The following NACA variants were observed in gnomAD, a reference collection of about 807,000 sequenced individuals.
The protein encoded by NACA is nascent polypeptide-associated complex subunit alpha.
In NACA, 42 loss-of-function variants were observed where a neutral mutation model predicts 86.4. The observed-to-expected ratio is 0.49, with a 90% CI of 0.38 to 0.63. NACA has a LOEUF of 0.63. NACA is among the 20% of genes least tolerant of loss of function. The probability of loss-of-function intolerance (pLI) is 0.00; values close to 1 mark genes in which losing one functional copy is unlikely to be tolerated. For synonymous variants in NACA, 898 were observed against 973.7 expected (o/e 0.92, Z 1.45); for missense variants, 2,157 against 2,483.6 (o/e 0.87, Z 2.80).
intron 1 of NACA, 140 bp from the exon 2 acceptor site, chr12:56,724,663 A>G (rs1427081012): frequency 1.2e-6 from 1 of 812,024 alleles, no homozygotes; most frequent in African/African-American, 1.7e-5. Flanking sequence ...ACCTTCCCCA[A>G]AGCACCTGGG....
At position 56,717,240 on chromosome 12, in the gene NACA, T is replaced by C. The variant is rs1953398795; in HGVS notation, c.4290A>G (p.Lys1430=). The part of the protein sequence containing the change: ...VTREGAATPS[K]GDLTPPAVTP... ...TCACTGCTGGGGGAGTGAGATCTCCTTTGGATGGGGTGGCTGCGCCTTCTC... is the reference window on the plus strand; with the variant it reads ...TCACTGCTGGGGGAGTGAGATCTCCCTTGGATGGGGTGGCTGCGCCTTCTC... Residue 1430 remains lysine (K), a synonymous_variant, in exon 3 of 9, where the codon AAA becomes AAG. Coordinates refer to ENST00000454682, the MANE Select transcript of NACA (RefSeq NM_001365896.1). 1 of 1,327,360 alleles carries C rather than the reference T, an allele frequency of 7.5e-7. No homozygotes were observed. The highest frequency in any genetic ancestry group is 9.8e-7 in the Non-Finnish European group (1 of 1,016,956). The allele number at this position is 1,327,360 out of a possible 1,614,324, so 82.2% of individuals were successfully genotyped here. A position where few individuals can be genotyped will look rare whatever the true frequency, so the allele number is the denominator to read the frequency against.
Position 56,715,986 on chromosome 12 carries a change from T to A in NACA, c.5544A>T (p.Pro1848=). 6.3e-7 allele frequency: 1 copy of A among 1,579,288 alleles called. No homozygotes were observed. The highest frequency in any genetic ancestry group is 1.3e-5 in the African/African-American group (1 of 74,270). The change falls in exon 3 of 9, where the codon CCA becomes CCT. Residue 1848 remains proline, a synonymous_variant. Transcript: ENST00000454682. ...ACTGGAAAGGCACTCCCCCAGAGAT[T>A]GGTTCCGGGGGAATCAGAGGCAGCA... ...DELLPLIPPE[P]ISGGVPFQSV...
At chr12:56,724,319 T>C in intron 2 of NACA, 133 bp downstream of exon 2, 2 of 789,464 alleles carry the variant, frequency 2.5e-6, no homozygotes. Context: ...AGGATAGTAA[T>C]TTTACGGTCT....
Position 56,717,366 on chromosome 12 carries a change from G to A in NACA, c.4164C>T (p.Ser1388=), listed in dbSNP as rs932738911. ...ATGGGATAGCTGGTCCTCTTTTGGG[G>A]GAGGGAGGAGTCATAGCGGGACCTC... ...HKGGPAMTPP[S]PKRGPAIPSP... Residue 1388 remains serine, a synonymous_variant, in exon 3 of 9, where the codon TCC becomes TCT. Transcript: ENST00000454682. 4.4e-6 allele frequency: 6 copies of A among 1,373,578 alleles called. No homozygotes were observed. The highest frequency in any genetic ancestry group is 2.4e-5 in the Admixed American group (1 of 42,154). 85.1% of individuals were successfully genotyped at this position (1,373,578 alleles called of 1,614,324 possible).
At position 56,716,067 on chromosome 12, in the gene NACA, A is replaced by G; in HGVS notation, c.5463T>C (p.Pro1821=). Residue 1821 remains proline (P), a synonymous_variant, in exon 3 of 9, where the codon CCT becomes CCC. Coordinates refer to ENST00000454682, the MANE Select transcript of NACA (RefSeq NM_001365896.1). ...TAGAGGGTGATTCCAACACCAGCCC[A>G]GGAGAGGACGGCAGAAATTGCTGTT... ...PPKQQFLPSS[P]GLVLESPSKP... is the part of the protein sequence containing the mutation. 1.2e-6 allele frequency: 2 copies of G among 1,612,560 alleles called. No homozygotes were observed. The highest frequency in any genetic ancestry group is 1.7e-6 in the Non-Finnish European group (2 of 1,179,056).
Position 56,712,469 on chromosome 12 carries a change from A to G in NACA, c.*69T>C, listed in dbSNP as rs886953750. ...AAGCCATAACTTTATTTATGATAGA[A>G]ACAGTACAAATTTCAAACCAAGCTG... On this transcript the variant is annotated 3_prime_UTR_variant, in exon 9 of 9. Transcript: ENST00000454682. The G allele has an allele frequency of 1.3e-6, 2 of 1,496,744 alleles. No homozygotes were observed. Among genetic ancestry groups the G allele is most frequent in the Non-Finnish European group, 1.9e-6 (2 of 1,080,910 alleles). 92.7% of individuals were successfully genotyped at this position (1,496,744 alleles called of 1,614,324 possible).
In NACA at chr12:56,714,357, C is replaced by G. The variant is rs1953291806; in HGVS notation, c.5823+5G>C. On this transcript the variant is annotated splice_donor_5th_base_variant and intron_variant, in intron 5 of 8. Transcript: ENST00000454682. ...TAAGATCCTGAAATCCTTTTCAAATCTTACCTTCCGTGCCTTCTTTTCACT... is the reference window on the plus strand; with the variant it reads ...TAAGATCCTGAAATCCTTTTCAAATGTTACCTTCCGTGCCTTCTTTTCACT... 1 of 1,613,882 alleles carries G rather than the reference C, an allele frequency of 6.2e-7. No individual in the cohort carries two copies. Among genetic ancestry groups the G allele is most frequent in the African/African-American group, 1.3e-5 (1 of 74,930 alleles).
At chr12:56,724,793 C>T (rs1367881949) in intron 1 of NACA, 5 of 457,292 alleles carry the variant, frequency 1.1e-5, no homozygotes, top group Non-Finnish European at 7.9e-6. Context: ...ACTTCAGACG[C>T]TACTGTGAAC....
chr12:56,721,875 C>G (rs1953585275), intron 2 of NACA, among the ~76,000 whole-genome samples: 1 of 152,182 alleles, frequency 6.6e-6, no homozygotes, highest in African/African-American at 2.4e-5. Context: ...TCACAGCCAA[C>G]AGAATTCCCA....
intron 3 of NACA, among the ~76,000 whole-genome samples, chr12:56,715,065 C>A (rs999259276): frequency 5.9e-5 from 9 of 152,144 alleles, no homozygotes; most frequent in African/African-American, 2.2e-4. Context: ...TCAGAAGGTG[C>A]CCCCAGATAC....
intron 2 of NACA, among the ~76,000 whole-genome samples, chr12:56,724,133 T>C (rs910373135): frequency 2.6e-5 from 4 of 152,274 alleles, no homozygotes; most frequent in Admixed American, 2.0e-4. Flanking sequence ...CTAGTTCCAA[T>C]AGGTAAGAAT....
chr12:56,716,696 CTT>C lies in NACA; in HGVS notation c.4832_4833del (p.Lys1611ArgfsTer49). The C allele has an allele frequency of 7.1e-7, 1 of 1,408,972 alleles. No homozygotes were observed. The highest frequency in any genetic ancestry group is 9.5e-7 in the Non-Finnish European group (1 of 1,056,410). The allele number at this position is 1,408,972 out of a possible 1,614,324, so 87.3% of individuals were successfully genotyped here. On this transcript the variant is annotated frameshift_variant, in exon 3 of 9. Transcript: ENST00000454682. LOFTEE classifies it high-confidence loss of function. ...IPPAVTSPSP[K>X]EAPTPPAVTP... is the part of the protein sequence containing the mutation. ...GTCACAGCTGGAGGAGTAGGTGCCT[CTT>C]TGGGGGAAGGAGAAGTCACAGCTGG...
chr12:56,722,686 C>T (rs561719305), intron 2 of NACA, among the ~76,000 whole-genome samples: 5 of 69,276 alleles, frequency 7.2e-5, no homozygotes, highest in South Asian at 1.2e-3. Context: ...GGTGAGACTC[C>T]GTCTCAAAAC....
At chr12:56,722,928 C>T (rs1179711437) in intron 2 of NACA, among the ~76,000 whole-genome samples, 1 of 152,186 alleles carries the variant, frequency 6.6e-6, no homozygotes, top group Non-Finnish European at 1.5e-5. Context: ...AATTCAAATT[C>T]AAAATTCACT....
In NACA at chr12:56,721,304, T is replaced by C. The variant is rs1565899061; in HGVS notation, c.226A>G (p.Thr76Ala). 6.2e-7 allele frequency: 1 copy of C among 1,608,734 alleles called. No individual in the cohort carries two copies. ...TGGGGAAAAGGAACTTCTAAAGGGG[T>C]CGAGGCAATAGTAGAGGGGGAAGGG... ...PFPSPSTIAS[T>A]PLEVPFPQSS... Residue 76 changes from threonine to alanine, a missense_variant, in exon 3 of 9, where the codon ACC (threonine) becomes GCC (alanine). Around this residue, in one of 8 missense-constraint regions of NACA, gnomAD observed 947 missense variants for 917.9 expected, o/e 1.03. Transcript: ENST00000454682.
chr12:56,713,586 A>C lies in NACA; in HGVS notation c.5921T>G (p.Val1974Gly), dbSNP rs772715468. 1 of 1,614,036 alleles carries C rather than the reference A, an allele frequency of 6.2e-7. No homozygotes were observed. Among genetic ancestry groups the C allele is most frequent in the Admixed American group, 1.7e-5 (1 of 60,014 alleles). The change falls in exon 6 of 9, where the codon GTC (valine) becomes GGC (glycine). Residue 1974 changes from valine to glycine, a missense_variant. Coordinates refer to ENST00000454682, the MANE Select transcript of NACA (RefSeq NM_001365896.1). ...AGTATCTGAAGCAGGGCTCTTGTAG[A>C]CATCTGGTTTTGTGATGACAAAGAG... is the stretch of plus-strand genomic sequence containing the variant. ...NILFVITKPD[V>G]YKSPASDTYI...
At position 56,715,885 on chromosome 12, in the gene NACA, G is replaced by C. The variant is rs530299780; in HGVS notation, c.5645C>G (p.Thr1882Arg). 5.2e-5 allele frequency: 79 copies of C among 1,516,130 alleles called. No individual in the cohort carries two copies. In the East Asian group the frequency reaches 1.3e-3, roughly 25 times the overall value. The allele number at this position is 1,516,130 out of a possible 1,614,324, so 93.9% of individuals were successfully genotyped here. The change falls in exon 3 of 9, where the codon ACG (threonine) becomes AGG (arginine). Residue 1882 changes from threonine (T) to arginine (R), a missense_variant. Transcript: ENST00000454682. The part of the protein sequence containing the change: ...VPTPSAKQPV[T>R]KNNKGSGTES... ...AAGGCAAATACCCTTGTTGTTCTTC[G>C]TAACAGGTTGCTTGGCAGAGGGGGT...
At chr12:56,725,161 T>G (rs1487830952) in intron 1 of NACA, 102 bp downstream of exon 1, 2 of 152,384 alleles carry the variant, frequency 1.3e-5, no homozygotes, top group African/African-American at 4.8e-5. Flanking sequence ...TGTGGCCCAG[T>G]AAAGCCTCCA....
chr12:56,715,922 T>G lies in NACA; in HGVS notation c.5608A>C (p.Ile1870Leu). The G allele has an allele frequency of 3.3e-6, 5 of 1,523,468 alleles. No individual in the cohort carries two copies. The highest frequency in any genetic ancestry group is 3.5e-6 in the Non-Finnish European group (4 of 1,135,890). The allele number at this position is 1,523,468 out of a possible 1,614,324, so 94.4% of individuals were successfully genotyped here. Residue 1870 changes from isoleucine to leucine, a missense_variant, in exon 3 of 9, where the codon ATC (isoleucine) becomes CTC (leucine). Physicochemically the swap from Ile to Leu is conservative, Grantham distance 5. Coordinates refer to ENST00000454682, the MANE Select transcript of NACA (RefSeq NM_001365896.1). The part of the protein sequence containing the change: ...VNMPTPKSAG[I>L]PVPTPSAKQP... ...TTGGCAGAGGGGGTTGGGACAGGGATTCCAGCAGATTTAGGGGTGGGCATG... is the reference window on the plus strand; with the variant it reads ...TTGGCAGAGGGGGTTGGGACAGGGAGTCCAGCAGATTTAGGGGTGGGCATG...
Sources: allele counts gnomAD v4.1 joint callset (sites outside exome capture counted in the v4.1 genomes callset), GRCh38; gene constraint gnomAD v4.1.1; regional missense constraint gnomAD v4.1.1; transcripts MANE v1.5; gene names NCBI Gene and HGNC (gene_info 2026-07-23, HGNC 2026-07-21).